The following FARS2 variants were observed in gnomAD, a reference collection of about 807,000 sequenced individuals.
The protein encoded by FARS2 is phenylalanine--tRNA ligase, mitochondrial.
A neutral mutation model predicts 46.4 loss-of-function variants in FARS2; 40 were observed. That is an observed-to-expected ratio of 0.86 (90% CI 0.67 to 1.12). The LOEUF (loss-of-function observed/expected upper bound fraction) is 1.12, where lower values mean the gene tolerates loss of function less well. Ranked by LOEUF, FARS2 falls within the 50% of genes most tolerant of loss-of-function variation. The pLI is 0.00. For synonymous variants in FARS2, 234 were observed against 214.9 expected, an observed-to-expected ratio of 1.09 and a Z score of -0.78; for missense variants, 513 against 567.9, an observed-to-expected ratio of 0.90 and a Z score of 0.98.
intron 6 of FARS2, among the ~76,000 whole-genome samples, chr6:5,622,948 T>G (rs1321306504): frequency 6.6e-6 from 1 of 152,208 alleles, no homozygotes; most frequent in Admixed American, 6.5e-5. Flanking sequence ...GAACTGTTAT[T>G]CAATGACTGG....
intron 2 of FARS2, among the ~76,000 whole-genome samples, chr6:5,380,533 A>G (rs965530224): frequency 6.6e-6 from 1 of 152,118 alleles, no homozygotes; most frequent in African/African-American, 2.4e-5. Flanking sequence ...CTAATTTCAC[A>G]TTTCGAGCTT....
chr6:5,478,127 G>A (rs1766234957), intron 4 of FARS2, among the ~76,000 whole-genome samples: 1 of 152,202 alleles, frequency 6.6e-6, no homozygotes, highest in South Asian at 2.1e-4. Flanking sequence ...CGTGATGTCA[G>A]TATTAACCTG....
intron 5 of FARS2, among the ~76,000 whole-genome samples, chr6:5,607,032 T>C (rs181098537): frequency 2.6e-5 from 4 of 152,162 alleles, no homozygotes; most frequent in Admixed American, 6.5e-5. Flanking sequence ...GAAAACTCCA[T>C]AGAGCACTGT....
chr6:5,471,943 G>A lies in FARS2; in HGVS notation c.904+40771G>A, dbSNP rs892921136. 6.6e-6 allele frequency among the ~76,000 whole-genome samples: 1 copy of A among 152,214 alleles called. No individual in the cohort carries two copies. The highest frequency in any genetic ancestry group is 6.5e-5 in the Admixed American group (1 of 15,280). On this transcript the variant is annotated intron_variant, in intron 4 of 6. Transcript: ENST00000274680. The surrounding 1 kb of genome is among the most constrained non-coding windows in gnomAD (Gnocchi z 4.1). Reference sequence around the variant, plus strand: ...TTTGCCACAGCTCAGGAGCCTGCCTGAAAATGAATGAGAAACAAGTGGAAT... The same window carrying A: ...TTTGCCACAGCTCAGGAGCCTGCCTAAAAATGAATGAGAAACAAGTGGAAT...
In FARS2 at chr6:5,518,835, TAGC is replaced by T. The variant is rs60760556; in HGVS notation, c.905-26340_905-26338del. Among the ~76,000 whole-genome samples, 533 of 152,300 alleles carry T rather than the reference TAGC, an allele frequency of 3.5e-3. 2 individuals are homozygous for T. The highest frequency in any genetic ancestry group is 0.012 in the African/African-American group (498 of 41,562). On this transcript the variant is annotated intron_variant, in intron 4 of 6. Transcript: ENST00000274680. ...AATTGATTTCTGCTTTTGTTAATATTAGCAGCAAAACTAATTCCTTATGAAATC... is the reference window on the plus strand; with the variant it reads ...AATTGATTTCTGCTTTTGTTAATATTAGCAAAACTAATTCCTTATGAAATC...
At chr6:5,496,962 G>A (rs1476481200) in intron 4 of FARS2, among the ~76,000 whole-genome samples, 2 of 152,136 alleles carry the variant, frequency 1.3e-5, no homozygotes, top group African/African-American at 4.8e-5. Context: ...GGGCCTGTGT[G>A]CATGCACCTC....
At chr6:5,671,521 A>C (rs565350633) in intron 6 of FARS2, among the ~76,000 whole-genome samples, 8 of 152,254 alleles carry the variant, frequency 5.3e-5, no homozygotes, top group African/African-American at 1.9e-4. Context: ...GTATGAATGG[A>C]TTTATCAGCA....
At chr6:5,696,758 A>T (rs967982629) in intron 6 of FARS2, among the ~76,000 whole-genome samples, 1 of 152,202 alleles carries the variant, frequency 6.6e-6, no homozygotes, top group Admixed American at 6.5e-5. Context: ...TAAATTTTTT[A>T]CTATGAACAT....
chr6:5,601,954 T>G (rs1774545212), intron 5 of FARS2, among the ~76,000 whole-genome samples: 1 of 152,168 alleles, frequency 6.6e-6, no homozygotes, highest in African/African-American at 2.4e-5. Context: ...ACCTTGACAA[T>G]GCCATAACTG....
upstream of FARS2, chr6:5,261,009 C>T (rs1307062978): frequency 1.9e-6 from 2 of 1,070,476 alleles, no homozygotes; most frequent in African/African-American, 3.4e-5. Context: ...CCGATCCCGC[C>T]CCCGCCCGGA....
chr6:5,658,467 A>G (rs1164686076), intron 6 of FARS2, among the ~76,000 whole-genome samples: 1 of 152,186 alleles, frequency 6.6e-6, no homozygotes, highest in South Asian at 2.1e-4. Context: ...GAGCTATTCA[A>G]ATGTACCCTT....
intron 2 of FARS2, among the ~76,000 whole-genome samples, chr6:5,397,281 T>C (rs965048608): frequency 5.3e-5 from 8 of 152,084 alleles, no homozygotes; most frequent in African/African-American, 1.7e-4. Context: ...GCAGTGATGA[T>C]CAGGGGCCAG....
At chr6:5,492,788 T>C (rs1767203214) in intron 4 of FARS2, among the ~76,000 whole-genome samples, 1 of 152,264 alleles carries the variant, frequency 6.6e-6, no homozygotes, top group African/African-American at 2.4e-5. Flanking sequence ...GATGCACCAC[T>C]GTGCCCGGCT....
intron 5 of FARS2, among the ~76,000 whole-genome samples, chr6:5,612,373 A>G (rs7751435): frequency 0.036 from 5,431 of 152,310 alleles, 306 homozygotes; most frequent in African/African-American, 0.12. Context: ...GTTATGTAAC[A>G]AAACTTTTTT....
intron 3 of FARS2, among the ~76,000 whole-genome samples, chr6:5,420,655 G>A (rs528165844): frequency 6.6e-6 from 1 of 152,334 alleles, no homozygotes; most frequent in East Asian, 1.9e-4. Flanking sequence ...CAAGAGGTAT[G>A]TTCCCATGGT....
At chr6:5,423,734 A>T (rs1762691614) in intron 3 of FARS2, among the ~76,000 whole-genome samples, 1 of 152,132 alleles carries the variant, frequency 6.6e-6, no homozygotes. Context: ...GTTTTATTCC[A>T]CTTGGCACTC....
At chr6:5,523,983 A>ACCCCTTTTTTTTTTTTTTTTT (rs780659250) in intron 4 of FARS2, among the ~76,000 whole-genome samples, 1 of 151,430 alleles carries the variant, frequency 6.6e-6, no homozygotes, top group Admixed American at 6.6e-5. Flanking sequence ...TGTTTCCAAG[A>ACCCCTTTTTTTTTTTTTTTTT]ACATGATGAA....
chr6:5,342,754 G>GAA (rs1192128961), intron 1 of FARS2, among the ~76,000 whole-genome samples: 4 of 104,144 alleles, frequency 3.8e-5, no homozygotes, highest in Non-Finnish European at 6.3e-5. Flanking sequence ...CTCTGTCTAA[G>GAA]AAAAAAAAAA....
intron 1 of FARS2, among the ~76,000 whole-genome samples, chr6:5,354,662 C>T (rs533893216): frequency 5.5e-4 from 84 of 152,032 alleles, no homozygotes; most frequent in African/African-American, 1.9e-3. Context: ...TACAGGCGCC[C>T]GCCACCACGC....
Sources: gnomAD v4.1 joint callset for allele counts (sites outside exome capture counted in the v4.1 genomes callset) on GRCh38, gnomAD v4.1.1 for gene constraint, Gnocchi (gnomAD v3.1) non-coding constraint, MANE v1.5 for transcripts, NCBI Gene and HGNC (gene_info 2026-07-23, HGNC 2026-07-21) for gene names.